Variants in RAD54L2 observed in about 807,000 individuals in gnomAD.
The protein encoded by RAD54L2 is helicase ARIP4.
In RAD54L2, 27 loss-of-function variants were observed where a neutral mutation model predicts 138.4. The observed-to-expected ratio is 0.20, with a 90% CI of 0.14 to 0.27. The LOEUF (loss-of-function observed/expected upper bound fraction) is 0.27, where lower values mean the gene tolerates loss of function less well. Among genes scored for constraint, RAD54L2 ranks in the 10% least tolerant of loss-of-function variants. The pLI is 1.00. For synonymous variants in RAD54L2, 644 were observed against 723.2 expected (o/e 0.89, Z 1.76); for missense variants, 1,396 against 1,890.2 (o/e 0.74, Z 4.85).
At chr3:51,626,930 A>G (rs1167364574) in intron 3 of RAD54L2, among the ~76,000 whole-genome samples, 1 of 152,106 alleles carries the variant, frequency 6.6e-6, no homozygotes, top group Non-Finnish European at 1.5e-5. Flanking sequence ...GATATATAGC[A>G]CACCTTGCCA....
intron 2 of RAD54L2, among the ~76,000 whole-genome samples, chr3:51,552,205 A>G (rs1698855357): frequency 6.6e-6 from 1 of 152,082 alleles, no homozygotes; most frequent in African/African-American, 2.4e-5. Flanking sequence ...AACTTTATCA[A>G]TATTTTTATT....
At chr3:51,648,599 A>C (rs1359943029) in intron 19 of RAD54L2, among the ~76,000 whole-genome samples, 1 of 152,178 alleles carries the variant, frequency 6.6e-6, no homozygotes, top group African/African-American at 2.4e-5. Context: ...CGAAGCTTCC[A>C]GAGGAAGGAT....
intron 21 of RAD54L2, among the ~76,000 whole-genome samples, chr3:51,658,100 CTT>C (rs573919111): frequency 4.3e-5 from 6 of 141,062 alleles, no homozygotes; most frequent in Admixed American, 7.1e-5. Flanking sequence ...GATTTTTGTA[CTT>C]TTTTTTTTTT....
chr3:51,599,591 C>T (rs1700037166), intron 3 of RAD54L2, among the ~76,000 whole-genome samples: 1 of 151,838 alleles, frequency 6.6e-6, no homozygotes. Flanking sequence ...CATGCTCTGT[C>T]ACCCAGGCTG....
intron 2 of RAD54L2, among the ~76,000 whole-genome samples, chr3:51,588,534 CAAAAA>C (rs71633079): frequency 2.0e-5 from 1 of 49,440 alleles, no homozygotes; most frequent in East Asian, 5.5e-4. Context: ...AACTGCATCT[CAAAAA>C]AAAAAAAAAA....
chr3:51,583,791 T>G (rs911215219), intron 2 of RAD54L2, among the ~76,000 whole-genome samples: 2 of 151,966 alleles, frequency 1.3e-5, no homozygotes, highest in Non-Finnish European at 2.9e-5. Flanking sequence ...CTCGAGGAAT[T>G]TTTTTGTACT....
chr3:51,640,057 A>T (rs1448523173), intron 14 of RAD54L2, 58 bp downstream of exon 14: 1 of 1,360,836 alleles, frequency 7.3e-7, no homozygotes, highest in Non-Finnish European at 1.0e-6. Context: ...TGACAAAACC[A>T]CCACAGAGCA....
In RAD54L2 at chr3:51,608,633, C is replaced by T. The variant is rs201673128; in HGVS notation, c.139+18074C>T. Among the ~76,000 whole-genome samples, 15 of 152,274 alleles carry T rather than the reference C, an allele frequency of 9.9e-5. No individual in the cohort carries two copies. In the East Asian group the frequency reaches 1.9e-3, roughly 20 times the overall value. ...CCTGGTCAGGAGCTGGAGACCAGCC[C>T]GGCCAACACGGCGAAACCCCGTCTC... On this transcript the variant is annotated intron_variant, in intron 3 of 22. Coordinates refer to ENST00000684192, the MANE Select transcript of RAD54L2 (RefSeq NM_015106.4).
intron 21 of RAD54L2, among the ~76,000 whole-genome samples, chr3:51,658,830 C>CT (rs779949260): frequency 2.0e-5 from 3 of 152,146 alleles, no homozygotes; most frequent in Non-Finnish European, 4.4e-5. Flanking sequence ...TCACCAAACT[C>CT]TATGCCCCAT....
At chr3:51,539,279 T>C (rs1469588395) in intron 1 of RAD54L2, among the ~76,000 whole-genome samples, 2 of 152,066 alleles carry the variant, frequency 1.3e-5, no homozygotes, top group African/African-American at 4.8e-5. Flanking sequence ...GGAAAGTATT[T>C]GGAATTTTAG....
At chr3:51,575,201 G>C (rs1387993364) in intron 2 of RAD54L2, among the ~76,000 whole-genome samples, 1 of 152,120 alleles carries the variant, frequency 6.6e-6, no homozygotes, top group East Asian at 1.9e-4. Context: ...TGTTCCATTG[G>C]TCTATATCTC....
chr3:51,601,329 A>G (rs1700075633), intron 3 of RAD54L2, among the ~76,000 whole-genome samples: 2 of 112,486 alleles, frequency 1.8e-5, no homozygotes, highest in Admixed American at 1.0e-4. Flanking sequence ...TTTTTTTGAG[A>G]GGGAGTCTCG....
At chr3:51,658,833 T>C (rs1701675210) in intron 21 of RAD54L2, among the ~76,000 whole-genome samples, 1 of 152,132 alleles carries the variant, frequency 6.6e-6, no homozygotes, top group Admixed American at 6.6e-5. Flanking sequence ...CCAAACTCTA[T>C]GCCCCATGGG....
intron 2 of RAD54L2, among the ~76,000 whole-genome samples, chr3:51,558,041 T>C (rs1360954992): frequency 1.3e-5 from 2 of 151,894 alleles, no homozygotes; most frequent in Non-Finnish European, 2.9e-5. Flanking sequence ...AGAGAGGGTT[T>C]TACCGTGTTG....
At chr3:51,556,041 T>C (rs1293132894) in intron 2 of RAD54L2, among the ~76,000 whole-genome samples, 3 of 152,186 alleles carry the variant, frequency 2.0e-5, no homozygotes, top group Admixed American at 2.0e-4. Flanking sequence ...CTATTCCTGT[T>C]TCTTCTGTAA....
At chr3:51,631,839 G>A (rs55946714) in intron 7 of RAD54L2, among the ~76,000 whole-genome samples, 41 of 152,132 alleles carry the variant, frequency 2.7e-4, no homozygotes, top group Non-Finnish European at 5.4e-4. Context: ...TCACTATGTT[G>A]CCTAGTCCGG....
At position 51,641,735 on chromosome 3, in the gene RAD54L2, GT is replaced by G; in HGVS notation, c.2232-10del. 6.5e-7 allele frequency: 1 copy of G among 1,530,242 alleles called. No individual in the cohort carries two copies. Among genetic ancestry groups the G allele is most frequent in the South Asian group, 1.2e-5 (1 of 84,130 alleles). The allele number at this position is 1,530,242 out of a possible 1,614,324, so 94.8% of individuals were successfully genotyped here. ...ATTCTGGGAGCCATCTGAACGAAATGTTTTCTGTTTCAGCCAGAGTCTTTCC... is the reference window on the plus strand; with the variant it reads ...ATTCTGGGAGCCATCTGAACGAAATGTTTCTGTTTCAGCCAGAGTCTTTCC... On this transcript the variant is annotated splice_polypyrimidine_tract_variant and intron_variant, in intron 14 of 22. Transcript: ENST00000684192.
chr3:51,585,609 A>C (rs552483258), intron 2 of RAD54L2, among the ~76,000 whole-genome samples: 105 of 152,252 alleles, frequency 6.9e-4, no homozygotes, highest in African/African-American at 2.5e-3. Context: ...TTGTCTTTGA[A>C]CTTAGCAAGG....
At chr3:51,541,203 G>T (rs1448691354) in intron 1 of RAD54L2, 3 of 152,114 alleles carry the variant, frequency 2.0e-5, no homozygotes, top group African/African-American at 7.2e-5. Context: ...GTTTAGAGGT[G>T]GTTATAGGTC....
Sources: gnomAD v4.1 joint callset for allele counts (sites outside exome capture counted in the v4.1 genomes callset) on GRCh38, gnomAD v4.1.1 for gene constraint, MANE v1.5 for transcripts, NCBI Gene and HGNC (gene_info 2026-07-23, HGNC 2026-07-21) for gene names.